Variants in ITCH observed in about 807,000 individuals in gnomAD.
The protein encoded by ITCH is E3 ubiquitin-protein ligase Itchy homolog.
Under a neutral mutation model 126.8 loss-of-function variants are expected in ITCH, and 28 were observed. That is an observed-to-expected ratio of 0.22 (90% CI 0.16 to 0.30). ITCH has a LOEUF of 0.30. Ranked by LOEUF, ITCH falls within the 10% of genes least tolerant of loss-of-function variation. The probability of loss-of-function intolerance (pLI) is 1.00; values close to 1 mark genes in which losing one functional copy is unlikely to be tolerated. For synonymous variants in ITCH, 342 were observed against 340.0 expected, an observed-to-expected ratio of 1.01 and a Z score of -0.06; for missense variants, 631 against 1,032.4, an observed-to-expected ratio of 0.61 and a Z score of 5.33.
chr20:34,434,395 G>C (rs1982738634), intron 7 of ITCH, among the ~76,000 whole-genome samples: 1 of 152,220 alleles, frequency 6.6e-6, no homozygotes, highest in South Asian at 2.1e-4. Flanking sequence ...ACAGCTTGAG[G>C]AACAGATAGG....
intron 4 of ITCH, among the ~76,000 whole-genome samples, chr20:34,411,417 G>T (rs541389006): frequency 3.3e-5 from 5 of 152,138 alleles, no homozygotes; most frequent in Non-Finnish European, 7.3e-5. Flanking sequence ...GCCTCCCAAA[G>T]TGCTGGGATT....
chr20:34,384,816 A>C (rs1225692893), intron 2 of ITCH, among the ~76,000 whole-genome samples: 2 of 151,326 alleles, frequency 1.3e-5, no homozygotes, highest in Admixed American at 6.6e-5. Context: ...GCCCGCCACC[A>C]CACCTGGCTA....
intron 3 of ITCH, among the ~76,000 whole-genome samples, chr20:34,407,150 A>T (rs561738739): frequency 6.6e-6 from 1 of 152,262 alleles, no homozygotes; most frequent in Admixed American, 6.5e-5. Context: ...GTATCTCAAG[A>T]TGCACAACAT....
At chr20:34,478,096 C>A (rs1988397559) in intron 17 of ITCH, among the ~76,000 whole-genome samples, 1 of 152,144 alleles carries the variant, frequency 6.6e-6, no homozygotes, top group African/African-American at 2.4e-5. Flanking sequence ...TTCAGGGTAA[C>A]CTTGTGATAC....
At chr20:34,475,290 AGGCCAAGGCAGGC>A (rs1988089827) in intron 16 of ITCH, among the ~76,000 whole-genome samples, 1 of 152,104 alleles carries the variant, frequency 6.6e-6, no homozygotes, top group Non-Finnish European at 1.5e-5. Context: ...GCACTTTGGG[AGGCCAAGGCAGGC>A]GGCTGGGAGG....
intron 12 of ITCH, among the ~76,000 whole-genome samples, chr20:34,455,440 T>G (rs1217156017): frequency 6.6e-6 from 1 of 152,004 alleles, no homozygotes; most frequent in Non-Finnish European, 1.5e-5. Flanking sequence ...CAAGTCTACT[T>G]AATTTGTTTA....
chr20:34,455,046 T>G (rs1195119666), intron 12 of ITCH, among the ~76,000 whole-genome samples: 1 of 151,966 alleles, frequency 6.6e-6, no homozygotes. Context: ...GCCACGCTGG[T>G]CTCAAACTCG....
At chr20:34,471,777 TTGTG>T (rs10667439) in intron 16 of ITCH, among the ~76,000 whole-genome samples, 2 of 53,832 alleles carry the variant, frequency 3.7e-5, no homozygotes, top group South Asian at 5.7e-4. Context: ...GATAATAGGT[TTGTG>T]TGTGTGTGTG....
At chr20:34,400,665 T>TTTTG (rs1306903844) in intron 3 of ITCH, among the ~76,000 whole-genome samples, 2 of 150,210 alleles carry the variant, frequency 1.3e-5, no homozygotes, top group Non-Finnish European at 3.0e-5. Flanking sequence ...TTTTTTTTTT[T>TTTTG]GAGACAGTTT....
At chr20:34,475,573 C>T (rs1988126078) in intron 16 of ITCH, among the ~76,000 whole-genome samples, 1 of 151,962 alleles carries the variant, frequency 6.6e-6, no homozygotes, top group Non-Finnish European at 1.5e-5. Context: ...GAGAATCAGG[C>T]AGGGAGGTTG....
In ITCH at chr20:34,446,097, A is replaced by G. The variant is rs1225677773; in HGVS notation, c.1140+636A>G. Among the ~76,000 whole-genome samples the G allele has an allele frequency of 3.9e-5, 6 of 152,230 alleles. No homozygotes were observed. In the East Asian group the frequency reaches 9.6e-4, roughly 24 times the overall value. Reference sequence around the variant, plus strand: ...ACTCCAAAATCTTCCTTTGCTATGCAGTCTTTGGTGCTAGGAATTTTATAA... The same window carrying G: ...ACTCCAAAATCTTCCTTTGCTATGCGGTCTTTGGTGCTAGGAATTTTATAA... On this transcript the variant is annotated intron_variant, in intron 11 of 24. Transcript: ENST00000374864.
chr20:34,383,930 T>C (rs6088479), intron 2 of ITCH, among the ~76,000 whole-genome samples: 82,048 of 147,322 alleles, frequency 0.56, 23,362 homozygotes, highest in African/African-American at 0.66. Flanking sequence ...TCGCAACCTC[T>C]GCCTCCTGGG....
chr20:34,429,268 G>A (rs6059829), intron 7 of ITCH, among the ~76,000 whole-genome samples: 68,023 of 151,996 alleles, frequency 0.45, 15,776 homozygotes, highest in Non-Finnish European at 0.5. Context: ...GCCAATTGGT[G>A]GTGTTGGTTC....
chr20:34,398,470 C>T (rs2038753456), intron 3 of ITCH, among the ~76,000 whole-genome samples: 1 of 151,804 alleles, frequency 6.6e-6, no homozygotes, highest in Non-Finnish European at 1.5e-5. Context: ...GTGATCTCGG[C>T]TCACCGCAAC....
intron 4 of ITCH, among the ~76,000 whole-genome samples, chr20:34,409,269 A>G (rs1978637807): frequency 6.6e-6 from 1 of 151,544 alleles, no homozygotes; most frequent in African/African-American, 2.4e-5. Context: ...CATAGCTCAC[A>G]GCAGCCTTGA....
rs181864437 is a variant in ITCH at position 34,404,827 on chromosome 20, C to T, written c.71-3824C>T. 1.7e-3 allele frequency among the ~76,000 whole-genome samples: 255 copies of T among 152,156 alleles called. 2 individuals carry two copies. Among genetic ancestry groups the T allele is most frequent in the South Asian group, 6.4e-3 (31 of 4,824 alleles). Reference sequence around the variant, plus strand: ...ATGGTAAATACTAAAATTGGTGCTCCTCCACCCCCATGTAAAGTTTGTTAG... The same window carrying T: ...ATGGTAAATACTAAAATTGGTGCTCTTCCACCCCCATGTAAAGTTTGTTAG... On this transcript the variant is annotated intron_variant, in intron 3 of 24. Coordinates refer to ENST00000374864, the MANE Select transcript of ITCH (RefSeq NM_031483.7).
At chr20:34,422,366 T>C (rs989961874) in intron 6 of ITCH, among the ~76,000 whole-genome samples, 8 of 152,204 alleles carry the variant, frequency 5.3e-5, no homozygotes, top group African/African-American at 1.9e-4. Flanking sequence ...TAGACTTAAA[T>C]GGATTATTCC....
At chr20:34,435,491 G>A (rs187399854) in intron 7 of ITCH, among the ~76,000 whole-genome samples, 71 of 152,152 alleles carry the variant, frequency 4.7e-4, no homozygotes, top group South Asian at 2.9e-3. Flanking sequence ...TTAATAAGAG[G>A]GGAGAAAAGA....
intron 3 of ITCH, among the ~76,000 whole-genome samples, chr20:34,407,102 A>G (rs2039086323): frequency 6.6e-6 from 1 of 152,028 alleles, no homozygotes; most frequent in Admixed American, 6.6e-5. Context: ...AAGCTATTTT[A>G]TGGCAAAGGT....
Sources: allele counts gnomAD v4.1 joint callset (sites outside exome capture counted in the v4.1 genomes callset), GRCh38; gene constraint gnomAD v4.1.1; transcripts MANE v1.5; gene names NCBI Gene and HGNC (gene_info 2026-07-23, HGNC 2026-07-21).